Variants in CEP250 observed in about 807,000 individuals in gnomAD.
CEP250 encodes the protein centrosome-associated protein CEP250.
CEP250 carries 242 observed loss-of-function variants against 315.7 expected under a neutral mutation model. The observed-to-expected ratio is 0.77, with a 90% CI of 0.69 to 0.85. The LOEUF is 0.85. Ranked by LOEUF, CEP250 falls within the 40% of genes least tolerant of loss-of-function variation. The probability of loss-of-function intolerance (pLI) is 0.00; values close to 1 mark genes in which losing one functional copy is unlikely to be tolerated. For missense variants in CEP250, 2,515 were observed against 2,886.4 expected (o/e 0.87, Z 2.95); for synonymous variants, 1,088 against 1,175.0 (o/e 0.93, Z 1.51).
intron 21 of CEP250, 56 bp from the exon 22 acceptor site, chr20:35,491,156 T>C: frequency 6.3e-7 from 1 of 1,586,310 alleles, no homozygotes; most frequent in Non-Finnish European, 8.6e-7. Context: ...TGTGGCCTCG[T>C]TGGTGAGCAT....
At chr20:35,475,009 G>A (rs921753386) in intron 14 of CEP250, among the ~76,000 whole-genome samples, 1 of 152,126 alleles carries the variant, frequency 6.6e-6, no homozygotes, top group African/African-American at 2.4e-5. Context: ...TGATCTCCCT[G>A]TACCAAGGAG....
intron 9 of CEP250, among the ~76,000 whole-genome samples, chr20:35,468,883 C>T (rs921579542): frequency 2.7e-5 from 4 of 150,162 alleles, no homozygotes; most frequent in Non-Finnish European, 5.9e-5. Flanking sequence ...CACTATGTTT[C>T]CCAGGCCGGT....
At chr20:35,467,094 G>T (rs777029853) in intron 8 of CEP250, 22 bp downstream of exon 8, 53 of 1,566,558 alleles carry the variant, frequency 3.4e-5, no homozygotes, top group Non-Finnish European at 4.6e-5. Flanking sequence ...GAGAAGAAGG[G>T]AGGAGGTTTG....
rs1392139680 is a variant in CEP250 at position 35,515,160 on chromosome 20, T to C, written c.*3534T>C. Reference sequence around the variant, plus strand: ...GGAGTAGCTTCTTGACCAGCCGGAATTGGGTTAGGTGTCCTAGCATTGGTG... The same window carrying C: ...GGAGTAGCTTCTTGACCAGCCGGAACTGGGTTAGGTGTCCTAGCATTGGTG... On this transcript the variant is annotated 3_prime_UTR_variant, in exon 35 of 35. Coordinates refer to ENST00000397527, the MANE Select transcript of CEP250 (RefSeq NM_007186.6). 12 of 152,248 alleles carry C rather than the reference T, an allele frequency of 7.9e-5. No individual in the cohort carries two copies. The allele number at this position is 152,248 out of a possible 1,614,324, so 9.4% of individuals were successfully genotyped here.
intron 18 of CEP250, 30 bp downstream of exon 18, chr20:35,479,454 CAG>C (rs2063276965): frequency 6.3e-7 from 1 of 1,593,538 alleles, no homozygotes; most frequent in East Asian, 2.2e-5. Flanking sequence ...CAGCCAAGCA[CAG>C]AGAGAGCTTT....
intron 20 of CEP250, 100 bp downstream of exon 20, chr20:35,480,245 A>G: frequency 7.8e-7 from 1 of 1,274,050 alleles, no homozygotes; most frequent in Non-Finnish European, 1.1e-6. Flanking sequence ...GAAATTTTGT[A>G]ACCAAGCTGT....
chr20:35,457,333 G>A (rs2146624055), intron 1 of CEP250, among the ~76,000 whole-genome samples: 1 of 152,158 alleles, frequency 6.6e-6, no homozygotes, highest in South Asian at 2.1e-4. Context: ...GCATGGTAAG[G>A]TAAATAAAAG....
chr20:35,479,992 G>A lies in CEP250; in HGVS notation c.2433G>A (p.Leu811=), dbSNP rs1257304052. ...GCATGTTAGGGGAAGTGAGGTGCCTGAAGCTGGAACTGGACACTGAACGGA... is the reference window on the plus strand; with the variant it reads ...GCATGTTAGGGGAAGTGAGGTGCCTAAAGCTGGAACTGGACACTGAACGGA... ...KEVIQGEVRC[L]KLELDTERSQ... is the part of the protein sequence containing the mutation. Residue 811 remains leucine, a synonymous_variant, in exon 20 of 35, where the codon CTG becomes CTA. Coordinates refer to ENST00000397527, the MANE Select transcript of CEP250 (RefSeq NM_007186.6). 3 of 1,613,834 alleles carry A rather than the reference G, an allele frequency of 1.9e-6. No homozygotes were observed. In the East Asian group the frequency reaches 6.7e-5, roughly 36 times the overall value.
At chr20:35,494,094 G>A (rs2063769883) in intron 23 of CEP250, among the ~76,000 whole-genome samples, 1 of 152,054 alleles carries the variant, frequency 6.6e-6, no homozygotes, top group Admixed American at 6.6e-5. Context: ...TCCCACCTCA[G>A]CCCCCTGAGT....
At chr20:35,501,043 A>G (rs2063987929) in intron 28 of CEP250, among the ~76,000 whole-genome samples, 1 of 152,172 alleles carries the variant, frequency 6.6e-6, no homozygotes, top group African/African-American at 2.4e-5. Context: ...AGGGATTATG[A>G]GCTTATTTGG....
rs137874746 is a variant in CEP250 at position 35,504,806 on chromosome 20, C to G, written c.6437C>G (p.Pro2146Arg). ...TCTCTAAAACTTGATTCTTTAGAGCCCAGGCTGCAGCGGGAGCTGGAGCGG... is the reference window on the plus strand; with the variant it reads ...TCTCTAAAACTTGATTCTTTAGAGCGCAGGCTGCAGCGGGAGCTGGAGCGG... ...EQSLKLDSLE[P>R]RLQRELERLQ... Residue 2146 changes from proline (P) to arginine (R), a missense_variant, in exon 30 of 35, where the codon CCC becomes CGC. Pro to Arg is a moderately radical substitution (Grantham distance 103, BLOSUM62 -2). Transcript: ENST00000397527. The G allele has an allele frequency of 6.2e-7, 1 of 1,614,228 alleles. No individual in the cohort carries two copies. Among genetic ancestry groups the G allele is most frequent in the Non-Finnish European group, 8.5e-7 (1 of 1,180,044 alleles).
chr20:35,471,936 A>C, intron 10 of CEP250, 114 bp from the exon 11 acceptor site: 1 of 677,974 alleles, frequency 1.5e-6, no homozygotes, highest in Non-Finnish European at 2.7e-6. Flanking sequence ...ATGGTCAGGG[A>C]AAAAGTGGGG....
At chr20:35,489,972 A>G (rs1347298459) in intron 20 of CEP250, among the ~76,000 whole-genome samples, 1 of 152,152 alleles carries the variant, frequency 6.6e-6, no homozygotes, top group Non-Finnish European at 1.5e-5. Flanking sequence ...TGCGCCCAGG[A>G]GTTCGAGTCC....
intron 17 of CEP250, 148 bp from the exon 18 acceptor site, chr20:35,479,083 A>T: frequency 1.4e-6 from 1 of 713,582 alleles, no homozygotes; most frequent in Non-Finnish European, 2.3e-6. Flanking sequence ...TCAGGGAAAT[A>T]GATAAATGCC....
rs778372575 is a variant in CEP250, at chr20:35,491,216, A to G, written c.2759A>G (p.Gln920Arg). Residue 920 changes from glutamine (Q) to arginine (R), a missense_variant, in exon 22 of 35, where the codon CAG (glutamine) becomes CGG (arginine). By Grantham distance (43) the Gln-to-Arg change is conservative. Transcript: ENST00000397527. ...TACCCCCCTACCCCTCCACAGATGC[A>G]GCTGGAAACAGAGAAGGAGAGAGTA... ...TQAESALCQMQLETEKERVSL... is the reference protein window; with the variant it reads ...TQAESALCQMRLETEKERVSL... 6.2e-7 allele frequency: 1 copy of G among 1,611,664 alleles called. No homozygotes were observed. The highest frequency in any genetic ancestry group is 1.7e-5 in the Admixed American group (1 of 59,738).
chr20:35,469,869 G>A (rs201140932), intron 9 of CEP250, 21 bp from the exon 10 acceptor site: 94 of 1,557,380 alleles, frequency 6.0e-5, no homozygotes, highest in Non-Finnish European at 1.4e-5. Context: ...TCTGGTGACA[G>A]TGCTATGCTC....
At chr20:35,481,995 C>T (rs1402123080) in intron 20 of CEP250, among the ~76,000 whole-genome samples, 1 of 152,032 alleles carries the variant, frequency 6.6e-6, no homozygotes, top group Admixed American at 6.5e-5. Context: ...GCCACCATGT[C>T]CAGCCTACTT....
chr20:35,457,119 G>A (rs2062648248), intron 1 of CEP250, among the ~76,000 whole-genome samples: 1 of 152,062 alleles, frequency 6.6e-6, no homozygotes, highest in African/African-American at 2.4e-5. Context: ...AGAGCTGTTA[G>A]CATTTTGCAA....
chr20:35,473,510 G>A lies in CEP250; in HGVS notation c.1346G>A (p.Gly449Glu), dbSNP rs775903064. ...KLTGERDTLA[G>E]QTVDLQGEVD... ...ACTGGGGAGCGGGACACTCTGGCAG[G>A]GCAGACTGTGGACCTCCAGGGAGAG... The change falls in exon 13 of 35, where the codon GGG (glycine) becomes GAG (glutamate). Residue 449 changes from glycine to glutamate, a missense_variant. Gly to Glu is a moderately conservative substitution (Grantham distance 98). Coordinates refer to ENST00000397527, the MANE Select transcript of CEP250 (RefSeq NM_007186.6). The A allele has an allele frequency of 6.2e-7, 1 of 1,614,008 alleles. No individual in the cohort carries two copies. Among genetic ancestry groups the A allele is most frequent in the Non-Finnish European group, 8.5e-7 (1 of 1,179,954 alleles).
Sources: allele counts gnomAD v4.1 joint callset (sites outside exome capture counted in the v4.1 genomes callset), GRCh38; gene constraint gnomAD v4.1.1; transcripts MANE v1.5; gene names NCBI Gene and HGNC (gene_info 2026-07-23, HGNC 2026-07-21).